Variants in LSM14A observed in about 807,000 individuals in gnomAD.
LSM14A encodes LSM14A mRNA processing body assembly factor.
A neutral mutation model predicts 52.4 loss-of-function variants in LSM14A; 14 were observed. The observed-to-expected ratio is 0.27, with a 90% CI of 0.18 to 0.42. LSM14A has a LOEUF of 0.42. Among genes scored for constraint, LSM14A ranks in the 10% least tolerant of loss-of-function variants. The pLI, the probability that LSM14A is intolerant of heterozygous loss-of-function variation, is 1.00. For missense variants in LSM14A, 417 were observed against 581.8 expected, an observed-to-expected ratio of 0.72 and a Z score of 2.91; for synonymous variants, 185 against 200.3, an observed-to-expected ratio of 0.92 and a Z score of 0.64.
intron 1 of LSM14A, among the ~76,000 whole-genome samples, chr19:34,183,520 C>T (rs558921068): frequency 3.3e-4 from 50 of 151,906 alleles, no homozygotes; most frequent in Non-Finnish European, 1.0e-4. Flanking sequence ...TATTGCACTC[C>T]AGTCTGGGTG....
intron 1 of LSM14A, among the ~76,000 whole-genome samples, chr19:34,189,331 A>G (rs56768118): frequency 0.029 from 4,490 of 152,282 alleles, 173 homozygotes; most frequent in African/African-American, 0.095. Flanking sequence ...TTTAGTGTTT[A>G]GTGGACCTTC....
intron 1 of LSM14A, among the ~76,000 whole-genome samples, chr19:34,176,502 C>T (rs968856921): frequency 3.3e-4 from 50 of 152,270 alleles, no homozygotes; most frequent in African/African-American, 1.2e-3. Flanking sequence ...AAATGTTCTT[C>T]TGACATTTAT....
At chr19:34,190,762 T>C (rs1349798452) in intron 1 of LSM14A, among the ~76,000 whole-genome samples, 1 of 152,188 alleles carries the variant, frequency 6.6e-6, no homozygotes, top group Non-Finnish European at 1.5e-5. Flanking sequence ...TAAATTGTCA[T>C]GTAGACTTCT....
intron 1 of LSM14A, among the ~76,000 whole-genome samples, chr19:34,179,334 G>C (rs535326157): frequency 1.3e-5 from 2 of 152,344 alleles, no homozygotes; most frequent in African/African-American, 4.8e-5. Flanking sequence ...TTATTGGAGA[G>C]AGTGGAAGAG....
intron 3 of LSM14A, among the ~76,000 whole-genome samples, chr19:34,207,196 C>T (rs778347998): frequency 6.6e-6 from 1 of 152,038 alleles, no homozygotes; most frequent in South Asian, 2.1e-4. Context: ...CAGGAACTCA[C>T]GGAAGAGATT....
chr19:34,189,295 A>G (rs1157758672), intron 1 of LSM14A, among the ~76,000 whole-genome samples: 1 of 152,206 alleles, frequency 6.6e-6, no homozygotes, highest in African/African-American at 2.4e-5. Context: ...CAATAGTAGT[A>G]CTTATTAGAG....
At chr19:34,201,325 C>A (rs2071269830) in intron 3 of LSM14A, among the ~76,000 whole-genome samples, 1 of 152,106 alleles carries the variant, frequency 6.6e-6, no homozygotes, top group African/African-American at 2.4e-5. Flanking sequence ...AGATGTTTTT[C>A]AGAAAAGGAA....
intron 1 of LSM14A, among the ~76,000 whole-genome samples, chr19:34,175,151 AT>A (rs143539635): frequency 0.098 from 14,967 of 152,024 alleles, 1,037 homozygotes; most frequent in Non-Finnish European, 0.16. Context: ...GCAGTGAAAA[AT>A]TTTTTTAATC....
intron 2 of LSM14A, among the ~76,000 whole-genome samples, chr19:34,195,068 T>G (rs2070739152): frequency 6.6e-6 from 1 of 152,054 alleles, no homozygotes; most frequent in African/African-American, 2.4e-5. Flanking sequence ...ATGGTTTATA[T>G]TGCAAACCAA....
chr19:34,225,188 G>A (rs753330614), intron 9 of LSM14A, among the ~76,000 whole-genome samples: 2 of 152,144 alleles, frequency 1.3e-5, no homozygotes, highest in Non-Finnish European at 2.9e-5. Flanking sequence ...TTGTCATGTT[G>A]ATTAGGAATT....
intron 3 of LSM14A, among the ~76,000 whole-genome samples, chr19:34,199,117 ATTATTTATTTAT>A (rs569671773): frequency 6.6e-6 from 1 of 151,958 alleles, no homozygotes; most frequent in Non-Finnish European, 1.5e-5. Flanking sequence ...TATTGGTGTT[ATTATTTATTTAT>A]TTATTTATTT....
chr19:34,220,719 G>A (rs902818338), intron 8 of LSM14A, among the ~76,000 whole-genome samples: 11 of 152,242 alleles, frequency 7.2e-5, no homozygotes, highest in African/African-American at 4.8e-5. Flanking sequence ...TGAGTCCCAC[G>A]ATTGGCTGGA....
At chr19:34,209,427 C>A (rs1030639180) in intron 4 of LSM14A, among the ~76,000 whole-genome samples, 5 of 152,190 alleles carry the variant, frequency 3.3e-5, no homozygotes, top group Admixed American at 6.5e-5. Flanking sequence ...ATGCTGTTAA[C>A]ATTTTCCCTA....
intron 6 of LSM14A, among the ~76,000 whole-genome samples, chr19:34,219,037 G>A (rs961256477): frequency 1.3e-5 from 2 of 152,250 alleles, no homozygotes; most frequent in African/African-American, 2.4e-5. Context: ...CGGTGTTGGG[G>A]ATATAGCAGT....
intron 1 of LSM14A, among the ~76,000 whole-genome samples, chr19:34,180,470 TAAATG>T (rs977855899): frequency 2.0e-5 from 3 of 152,304 alleles, no homozygotes; most frequent in Admixed American, 2.0e-4. Context: ...TTCTGATAAT[TAAATG>T]AGGTGATATA....
intron 3 of LSM14A, among the ~76,000 whole-genome samples, chr19:34,200,683 T>A (rs970468431): frequency 6.6e-6 from 1 of 152,206 alleles, no homozygotes; most frequent in Non-Finnish European, 1.5e-5. Context: ...TAATTAAAAA[T>A]TAATTCCTTT....
intron 9 of LSM14A, chr19:34,226,375 CTTTTTTT>C (rs528137318): frequency 3.4e-4 from 408 of 1,195,064 alleles, no homozygotes; most frequent in Admixed American, 7.8e-4. Context: ...ATCTCTTTCT[CTTTTTTT>C]TTTTTTTTTT....
At chr19:34,223,975 A>T (rs2073202374) in intron 9 of LSM14A, among the ~76,000 whole-genome samples, 1 of 152,174 alleles carries the variant, frequency 6.6e-6, no homozygotes, top group Non-Finnish European at 1.5e-5. Flanking sequence ...AGTATCTCTT[A>T]TAGGGGCTGG....
intron 3 of LSM14A, among the ~76,000 whole-genome samples, chr19:34,203,086 C>G (rs2071417787): frequency 6.6e-6 from 1 of 152,170 alleles, no homozygotes; most frequent in Non-Finnish European, 1.5e-5. Context: ...CAGTATTTCC[C>G]TGTGTTACCA....
Sources: gnomAD v4.1 joint callset for allele counts (sites outside exome capture counted in the v4.1 genomes callset) on GRCh38, gnomAD v4.1.1 for gene constraint, MANE v1.5 for transcripts, NCBI Gene and HGNC (gene_info 2026-07-23, HGNC 2026-07-21) for gene names.